Variants in ANXA8 observed in about 807,000 individuals in gnomAD.
ANXA8 encodes the protein VAC-beta.
In ANXA8, 9 loss-of-function variants were observed where a neutral mutation model predicts 26.8. That is an observed-to-expected ratio of 0.34 (90% CI 0.20 to 0.59). The LOEUF is 0.59. ANXA8 is among the 20% of genes least tolerant of loss of function. The pLI, the probability that ANXA8 is intolerant of heterozygous loss-of-function variation, is 0.84. For missense variants in ANXA8, 83 were observed against 238.5 expected (o/e 0.35, Z 4.29); for synonymous variants, 39 against 94.8 (o/e 0.41, Z 3.42).
At chr10:47,682,473 T>TC in the ANXA8 span, among the ~76,000 whole-genome samples, 1 of 132,962 alleles carries the variant, frequency 7.5e-6, no homozygotes, top group African/African-American at 2.9e-5. Context: ...CTTTTTCTTT[T>TC]TTTTTTTTTT....
At chr10:47,657,611 A>G in the ANXA8 span, among the ~76,000 whole-genome samples, 1 of 151,216 alleles carries the variant, frequency 6.6e-6, no homozygotes, top group East Asian at 1.9e-4. Flanking sequence ...TATCTGGCAC[A>G]TGGAAAGTTC....
At chr10:47,667,595 G>T in the ANXA8 span, among the ~76,000 whole-genome samples, 9 of 151,814 alleles carry the variant, frequency 5.9e-5, no homozygotes, top group Non-Finnish European at 1.0e-4. Flanking sequence ...TCTCGCCCAG[G>T]CTGGAGTGCA....
the ANXA8 span, among the ~76,000 whole-genome samples, chr10:47,587,265 T>G: frequency 6.7e-6 from 1 of 149,230 alleles, no homozygotes; most frequent in Admixed American, 6.6e-5. Flanking sequence ...GTTATTCCAT[T>G]GTGTGTTTCT....
At chr10:47,769,790 T>A in the ANXA8 span, among the ~76,000 whole-genome samples, 1 of 152,312 alleles carries the variant, frequency 6.6e-6, no homozygotes, top group Non-Finnish European at 1.5e-5. Context: ...ACCGGTATTG[T>A]ACTCCCACAG....
the ANXA8 span, among the ~76,000 whole-genome samples, chr10:47,975,289 A>C: frequency 1.3e-5 from 2 of 149,610 alleles, no homozygotes; most frequent in South Asian, 2.1e-4. Context: ...CCATGTTCAA[A>C]GAAGAAAGTT....
chr10:47,700,049 G>A, the ANXA8 span, among the ~76,000 whole-genome samples: 18 of 152,010 alleles, frequency 1.2e-4, no homozygotes, highest in Admixed American at 6.5e-4. Context: ...TCTTGGATAG[G>A]ATGACTCAAC....
chr10:47,948,333 G>T, the ANXA8 span, among the ~76,000 whole-genome samples: 1 of 109,020 alleles, frequency 9.2e-6, no homozygotes, highest in East Asian at 3.4e-4. Flanking sequence ...GATGGATGTT[G>T]GAAATAGCAC....
At chr10:47,733,219 T>TCTCTC in the ANXA8 span, among the ~76,000 whole-genome samples, 18 of 68,072 alleles carry the variant, frequency 2.6e-4, no homozygotes, top group East Asian at 9.4e-4. Flanking sequence ...CTTTCTTTCT[T>TCTCTC]TCTCTTTCTT....
At chr10:47,497,429 A>G in the ANXA8 span, among the ~76,000 whole-genome samples, 2 of 145,714 alleles carry the variant, frequency 1.4e-5, no homozygotes, top group African/African-American at 5.1e-5. Flanking sequence ...CAGCCTGACC[A>G]ACATGGAGAA....
chr10:47,673,029 T>C, the ANXA8 span, among the ~76,000 whole-genome samples: 6 of 149,576 alleles, frequency 4.0e-5, no homozygotes, highest in Non-Finnish European at 7.4e-5. Flanking sequence ...GAATCCACCA[T>C]AGATGAGGGG....
At chr10:47,969,280 C>T in the ANXA8 span, among the ~76,000 whole-genome samples, 1 of 151,506 alleles carries the variant, frequency 6.6e-6, no homozygotes, top group Non-Finnish European at 1.5e-5. Context: ...CCAACTAACG[C>T]AGGGTGTATT....
the ANXA8 span, among the ~76,000 whole-genome samples, chr10:47,941,179 G>A: frequency 6.8e-6 from 1 of 146,216 alleles, no homozygotes; most frequent in Non-Finnish European, 1.5e-5. Context: ...TCTGCAGACA[G>A]GGGTAAGCAG....
At chr10:47,504,846 CTTTTTTTT>C in the ANXA8 span, among the ~76,000 whole-genome samples, 1 of 46,850 alleles carries the variant, frequency 2.1e-5, no homozygotes, top group African/African-American at 7.4e-5. Context: ...CATAACTGTT[CTTTTTTTT>C]TTTTTTTTTT....
chr10:47,768,407 G>A, the ANXA8 span, among the ~76,000 whole-genome samples: 1 of 151,400 alleles, frequency 6.6e-6, no homozygotes, highest in Admixed American at 6.6e-5. Flanking sequence ...AAGACATGAA[G>A]AAATTAGCTA....
At chr10:47,527,872 A>C in the ANXA8 span, among the ~76,000 whole-genome samples, 3 of 132,458 alleles carry the variant, frequency 2.3e-5, no homozygotes, top group African/African-American at 8.5e-5. Flanking sequence ...AGCCAATAGA[A>C]AAAACACATT....
chr10:47,717,221 C>G, the ANXA8 span, among the ~76,000 whole-genome samples: 1 of 5,542 alleles, frequency 1.8e-4, no homozygotes. Flanking sequence ...CATTAGCAAG[C>G]CATGCCAAAA....
At chr10:47,975,722 T>C in the ANXA8 span, among the ~76,000 whole-genome samples, 4 of 150,940 alleles carry the variant, frequency 2.7e-5, no homozygotes, top group Non-Finnish European at 5.9e-5. Flanking sequence ...GTAATCATTA[T>C]TACTATAATT....
At chr10:47,639,135 C>A in the ANXA8 span, among the ~76,000 whole-genome samples, 1 of 147,138 alleles carries the variant, frequency 6.8e-6, no homozygotes, top group African/African-American at 2.6e-5. Flanking sequence ...TGTTTTTTTT[C>A]TTTTTCTTTT....
At chr10:47,741,143 A>G in the ANXA8 span, among the ~76,000 whole-genome samples, 1 of 100,036 alleles carries the variant, frequency 1.0e-5, no homozygotes, top group Non-Finnish European at 2.0e-5. Context: ...GTATACCTTC[A>G]TTTGTGAAGT....
Sources: gnomAD v4.1 joint callset for allele counts (sites outside exome capture counted in the v4.1 genomes callset) on GRCh38, gnomAD v4.1.1 for gene constraint, MANE v1.5 for transcripts, NCBI Gene and HGNC (gene_info 2026-07-23, HGNC 2026-07-21) for gene names.